APBB1IP: variants seen among roughly 807,000 people sequenced by gnomAD.
APBB1IP encodes amyloid beta precursor protein binding family B member 1 interacting protein.
APBB1IP carries 27 observed loss-of-function variants against 64.9 expected under a neutral mutation model. The ratio of observed to expected loss-of-function variants is 0.42; its 90% CI spans 0.31 to 0.57. The LOEUF (loss-of-function observed/expected upper bound fraction) is 0.57. Ranked by LOEUF, APBB1IP falls within the 20% of genes least tolerant of loss-of-function variation. The probability of loss-of-function intolerance (pLI) is 0.20; values close to 1 mark genes in which losing one functional copy is unlikely to be tolerated. For missense variants in APBB1IP, 812 were observed against 845.5 expected (o/e 0.96, Z 0.49); for synonymous variants, 392 against 331.0 (o/e 1.18, Z -2.00).
Position 26,567,192 on chromosome 10 carries a change from C to A in APBB1IP, c.1705C>A (p.Pro569Thr). 1 of 1,403,724 alleles carries A rather than the reference C, an allele frequency of 7.1e-7. No individual in the cohort carries two copies. 87.0% of individuals were successfully genotyped at this position (1,403,724 alleles called of 1,614,324 possible). A position where few individuals can be genotyped will look rare whatever the true frequency, so the allele number is the denominator to read the frequency against. Residue 569 changes from proline (P) to threonine (T), a missense_variant, in exon 15 of 15, where the codon CCG (proline) becomes ACG (threonine). Physicochemically the swap from Pro to Thr is conservative, Grantham distance 38. Coordinates refer to ENST00000376236, the MANE Select transcript of APBB1IP (RefSeq NM_019043.4). Reference protein sequence around the residue: ...PPPPLDDPELPPPPPDFMEPP... With the variant: ...PPPPLDDPELTPPPPDFMEPP... Reference sequence around the variant, plus strand: ...GCCGCCCCTCGATGACCCTGAGCTCCCGCCGCCGCCCCCGGACTTCATGGA... The same window carrying A: ...GCCGCCCCTCGATGACCCTGAGCTCACGCCGCCGCCCCCGGACTTCATGGA...
intron 2 of APBB1IP, among the ~76,000 whole-genome samples, chr10:26,483,398 G>A (rs1163759901): frequency 6.6e-6 from 1 of 152,174 alleles, no homozygotes; most frequent in East Asian, 1.9e-4. Context: ...CCTAGGGTGT[G>A]AGGATGGATT....
In APBB1IP at chr10:26,489,891, G is replaced by T. The variant is rs571700323; in HGVS notation, c.1-2436G>T. Among the ~76,000 whole-genome samples the T allele has an allele frequency of 3.5e-4, 54 of 152,272 alleles. 1 individual carries two copies. The South Asian group carries it at 0.01, about 29-fold the overall frequency. On this transcript the variant is annotated intron_variant, in intron 2 of 14. Transcript: ENST00000376236. The stretch of plus-strand genomic sequence containing the variant: ...AATACGAAAATTAGCCAGGCATAGT[G>T]GTGGGTGCCCATAATACCAGCTACT...
Position 26,472,186 on chromosome 10 carries a change from G to A in APBB1IP, c.1-20141G>A, listed in dbSNP as rs142714294. ...TCCAGTTTTATCCTTGAGCCACACC[G>A]CATGTAATTTTTCTGCACATGAAAA... On this transcript the variant is annotated intron_variant, in intron 2 of 14. Transcript: ENST00000376236. Among the ~76,000 whole-genome samples the A allele has an allele frequency of 4.6e-5, 7 of 152,236 alleles. No homozygotes were observed. The East Asian group carries it at 5.8e-4, about 13-fold the overall frequency.
intron 11 of APBB1IP, among the ~76,000 whole-genome samples, chr10:26,555,511 A>G (rs1032690853): frequency 6.6e-6 from 1 of 152,192 alleles, no homozygotes; most frequent in Non-Finnish European, 1.5e-5. Flanking sequence ...TGATTTGATT[A>G]CATCAGGTGT....
At position 26,500,890 on chromosome 10, in the gene APBB1IP, G is replaced by A. The variant is rs1430982414; in HGVS notation, c.232G>A (p.Ala78Thr). The change falls in exon 5 of 15, where the codon GCT becomes ACT. Residue 78 changes from alanine (A) to threonine (T), a missense_variant. This residue lies in a region of APBB1IP where 394 missense variants were observed against 413.1 expected (regional missense o/e 0.95). Transcript: ENST00000376236. ...MADLVADISE[A>T]EQRTIQAQKE... Reference sequence around the variant, plus strand: ...AGATCTGGTAGCAGACATAAGTGAGGCTGAGCAGAGGACAATCCAGGCACA... The same window carrying A: ...AGATCTGGTAGCAGACATAAGTGAGACTGAGCAGAGGACAATCCAGGCACA... The A allele has an allele frequency of 6.2e-7, 1 of 1,614,178 alleles. No homozygotes were observed. The highest frequency in any genetic ancestry group is 1.3e-5 in the African/African-American group (1 of 75,032).
intron 2 of APBB1IP, among the ~76,000 whole-genome samples, chr10:26,439,276 T>C (rs1222436540): frequency 6.6e-6 from 1 of 152,084 alleles, no homozygotes; most frequent in African/African-American, 2.4e-5. Context: ...GGGGCCAAGA[T>C]TAGATGTGGA....
At chr10:26,527,520 G>C (rs1836489258) in intron 8 of APBB1IP, among the ~76,000 whole-genome samples, 1 of 148,608 alleles carries the variant, frequency 6.7e-6, no homozygotes, top group Non-Finnish European at 1.5e-5. Flanking sequence ...TCCAGCCTGG[G>C]CAACAGAGCA....
At chr10:26,482,412 C>T (rs186074801) in intron 2 of APBB1IP, among the ~76,000 whole-genome samples, 22 of 152,254 alleles carry the variant, frequency 1.4e-4, no homozygotes, top group East Asian at 9.6e-4. Context: ...CTTGATAAAA[C>T]GCTTTCATTG....
In APBB1IP at chr10:26,567,212, C is replaced by T. The variant is rs1295448092; in HGVS notation, c.1725C>T (p.Phe575=). The T allele has an allele frequency of 5.1e-6, 7 of 1,380,896 alleles. No homozygotes were observed. The African/African-American group carries it at 1.1e-4, about 21-fold the overall frequency. 85.5% of individuals were successfully genotyped at this position (1,380,896 alleles called of 1,614,324 possible). Residue 575 remains phenylalanine, a synonymous_variant, in exon 15 of 15, where the codon TTC becomes TTT. Transcript: ENST00000376236. ...DPELPPPPPD[F]MEPPPDFVPP... ...AGCTCCCGCCGCCGCCCCCGGACTT[C>T]ATGGAGCCGCCCCCAGACTTCGTGC... is the stretch of plus-strand genomic sequence containing the variant.
chr10:26,442,135 G>C (rs963125335), intron 2 of APBB1IP, among the ~76,000 whole-genome samples: 1 of 152,194 alleles, frequency 6.6e-6, no homozygotes, highest in African/African-American at 2.4e-5. Context: ...CGGAACCAGA[G>C]TTGAGTGCTG....
At chr10:26,470,085 A>C (rs1564353478) in intron 2 of APBB1IP, among the ~76,000 whole-genome samples, 1 of 152,220 alleles carries the variant, frequency 6.6e-6, no homozygotes, top group East Asian at 1.9e-4. Context: ...ATAGTCCCTG[A>C]CTCACAATGT....
At chr10:26,503,095 TTTTGTTA>T in intron 5 of APBB1IP, 95 bp from the exon 6 acceptor site, 1 of 1,099,858 alleles carries the variant, frequency 9.1e-7, no homozygotes, top group Non-Finnish European at 1.3e-6. Context: ...ATTTGGTACC[TTTTGTTA>T]ATACAACGTA....
intron 8 of APBB1IP, among the ~76,000 whole-genome samples, chr10:26,522,836 C>A (rs1836419570): frequency 6.6e-6 from 1 of 151,784 alleles, no homozygotes. Flanking sequence ...CTTGTCTCTA[C>A]TAATAATACA....
At chr10:26,449,057 A>T (rs1271930739) in intron 2 of APBB1IP, among the ~76,000 whole-genome samples, 1 of 152,206 alleles carries the variant, frequency 6.6e-6, no homozygotes, top group African/African-American at 2.4e-5. Flanking sequence ...TGGGTTGGAG[A>T]TGCGTAGGAT....
chr10:26,518,679 T>A (rs1836363496), intron 8 of APBB1IP, among the ~76,000 whole-genome samples: 1 of 152,232 alleles, frequency 6.6e-6, no homozygotes, highest in African/African-American at 2.4e-5. Context: ...GATTGTAGCA[T>A]CTTGTCAAAT....
At chr10:26,456,737 T>A (rs866084244) in intron 2 of APBB1IP, among the ~76,000 whole-genome samples, 13 of 90,702 alleles carry the variant, frequency 1.4e-4, no homozygotes, top group East Asian at 3.4e-4. Flanking sequence ...AGAACCTGTC[T>A]AAAAAAAAAA....
At chr10:26,454,967 C>T (rs968505170) in intron 2 of APBB1IP, among the ~76,000 whole-genome samples, 4 of 152,296 alleles carry the variant, frequency 2.6e-5, no homozygotes, top group East Asian at 3.9e-4. Flanking sequence ...AATGGCTCTC[C>T]ACAGTTTGAC....
At chr10:26,497,348 G>A (rs1384590241) in intron 4 of APBB1IP, among the ~76,000 whole-genome samples, 2 of 151,812 alleles carry the variant, frequency 1.3e-5, no homozygotes, top group African/African-American at 2.4e-5. Context: ...TCAGGAGATC[G>A]AGACCATCCT....
intron 2 of APBB1IP, among the ~76,000 whole-genome samples, chr10:26,467,629 A>C (rs1835664366): frequency 6.6e-6 from 1 of 152,150 alleles, no homozygotes; most frequent in Admixed American, 6.6e-5. Context: ...CCAGGAGCTC[A>C]AGACTGCTGT....
Sources: allele counts gnomAD v4.1 joint callset (sites outside exome capture counted in the v4.1 genomes callset), GRCh38; gene constraint gnomAD v4.1.1; regional missense constraint gnomAD v4.1.1; transcripts MANE v1.5; gene names NCBI Gene and HGNC (gene_info 2026-07-23, HGNC 2026-07-21).